NBAS: variants seen among roughly 807,000 people sequenced by gnomAD.
The protein encoded by NBAS is NAG/BC035112 fusion.
In NBAS, 219 loss-of-function variants were observed where a neutral mutation model predicts 302.5. The observed-to-expected ratio is 0.72, with a 90% CI of 0.65 to 0.81. The LOEUF is 0.81. NBAS is among the 30% of genes least tolerant of loss of function. NBAS has a pLI of 0.00. For synonymous variants in NBAS, 1,118 were observed against 1,021.6 expected (o/e 1.09, Z -1.80); for missense variants, 2,932 against 2,841.6 (o/e 1.03, Z -0.72).
intron 11 of NBAS, among the ~76,000 whole-genome samples, chr2:15,492,630 T>A (rs948394928): frequency 6.6e-6 from 1 of 152,112 alleles, no homozygotes; most frequent in Non-Finnish European, 1.5e-5. Flanking sequence ...CTAACTTTTG[T>A]ATTTTTTGTA....
chr2:15,283,430 T>G (rs1286542958), intron 42 of NBAS, among the ~76,000 whole-genome samples: 1 of 152,092 alleles, frequency 6.6e-6, no homozygotes, highest in Admixed American at 6.5e-5. Context: ...CATGCTGTGC[T>G]CACGACAGTG....
At chr2:15,157,158 C>T in the NBAS span, among the ~76,000 whole-genome samples, 1 of 152,154 alleles carries the variant, frequency 6.6e-6, no homozygotes, top group African/African-American at 2.4e-5. Context: ...GTGTCTTTCC[C>T]GCCTGAGTGT....
At chr2:15,440,308 A>C (rs1328871260) in intron 21 of NBAS, among the ~76,000 whole-genome samples, 1 of 152,164 alleles carries the variant, frequency 6.6e-6, no homozygotes, top group African/African-American at 2.4e-5. Context: ...CGCTGAGACA[A>C]AACTTCCAGA....
chr2:14,969,388 A>ATTT, the NBAS span, among the ~76,000 whole-genome samples: 3 of 151,776 alleles, frequency 2.0e-5, no homozygotes, highest in Non-Finnish European at 4.4e-5. Context: ...TATTATTATT[A>ATTT]TTTTTGAGAT....
the NBAS span, among the ~76,000 whole-genome samples, chr2:14,906,329 A>C: frequency 6.6e-6 from 1 of 152,208 alleles, no homozygotes; most frequent in Non-Finnish European, 1.5e-5. Context: ...CTCCACTTAC[A>C]GGTGAGAAAA....
the NBAS span, among the ~76,000 whole-genome samples, chr2:15,121,146 G>A: frequency 6.6e-6 from 1 of 152,212 alleles, no homozygotes; most frequent in Non-Finnish European, 1.5e-5. Flanking sequence ...CAATATGAGA[G>A]CTGAGTTTTC....
At chr2:14,808,672 C>T in the NBAS span, among the ~76,000 whole-genome samples, 2 of 152,166 alleles carry the variant, frequency 1.3e-5, no homozygotes, top group African/African-American at 4.8e-5. Context: ...AGCATGAAAA[C>T]AGACTAATAC....
chr2:15,035,629 T>G, the NBAS span, among the ~76,000 whole-genome samples: 1 of 152,148 alleles, frequency 6.6e-6, no homozygotes, highest in African/African-American at 2.4e-5. Flanking sequence ...GAAAATGTGG[T>G]ACATATATAT....
the NBAS span, among the ~76,000 whole-genome samples, chr2:15,084,670 A>T: frequency 6.9e-6 from 1 of 145,046 alleles, no homozygotes; most frequent in African/African-American, 2.8e-5. Flanking sequence ...ACACTCTCAC[A>T]CACCATATCG....
intron 9 of NBAS, among the ~76,000 whole-genome samples, chr2:15,515,685 G>A (rs929044239): frequency 1.3e-5 from 2 of 152,080 alleles, no homozygotes; most frequent in African/African-American, 2.4e-5. Flanking sequence ...AAATAAACAC[G>A]CTCCATCATC....
the NBAS span, among the ~76,000 whole-genome samples, chr2:15,005,833 A>G: frequency 6.6e-6 from 1 of 152,228 alleles, no homozygotes; most frequent in African/African-American, 2.4e-5. Context: ...ATATTGCCGT[A>G]GTTTTCACAG....
At chr2:14,990,276 A>T in the NBAS span, among the ~76,000 whole-genome samples, 1 of 149,884 alleles carries the variant, frequency 6.7e-6, no homozygotes, top group South Asian at 2.1e-4. Context: ...AAAAAAAAAA[A>T]AGCTGGGCAT....
chr2:15,292,643 C>T lies in NBAS; in HGVS notation c.4921G>A (p.Asp1641Asn), dbSNP rs2148112814. 6.2e-7 allele frequency: 1 copy of T among 1,614,132 alleles called. No individual in the cohort carries two copies. ...QLHCYNERLL[D>N]FTQAQILQGL... ...TGAAGGATCTGCGCCTGAGTGAAAT[C>T]CAGGAGACGTTCATTGTAGCAGTGT... is the stretch of plus-strand genomic sequence containing the variant. The change falls in exon 41 of 52, where the codon GAT (aspartate) becomes AAT (asparagine). Residue 1641 changes from aspartate (D) to asparagine (N), a missense_variant. Asp to Asn is a conservative substitution (Grantham distance 23). Coordinates refer to ENST00000281513, the MANE Select transcript of NBAS (RefSeq NM_015909.4).
the NBAS span, among the ~76,000 whole-genome samples, chr2:14,974,610 C>T: frequency 6.6e-6 from 1 of 152,160 alleles, no homozygotes. Flanking sequence ...CATAAAGCTT[C>T]AGGACTAAAA....
chr2:15,006,716 T>G, the NBAS span, among the ~76,000 whole-genome samples: 2 of 152,306 alleles, frequency 1.3e-5, no homozygotes, highest in African/African-American at 4.8e-5. Context: ...AAAATGTCTC[T>G]CCCAACTTTC....
the NBAS span, among the ~76,000 whole-genome samples, chr2:15,064,714 A>AGC: frequency 6.6e-6 from 1 of 152,214 alleles, no homozygotes; most frequent in Non-Finnish European, 1.5e-5. Flanking sequence ...TCCTAAACTC[A>AGC]TTTTATGAGG....
the NBAS span, among the ~76,000 whole-genome samples, chr2:14,953,473 A>G: frequency 1.3e-5 from 2 of 152,246 alleles, no homozygotes; most frequent in Non-Finnish European, 2.9e-5. Context: ...GAAAGGGTGC[A>G]GTCACCCAAG....
At chr2:14,925,399 T>C in the NBAS span, among the ~76,000 whole-genome samples, 2 of 152,238 alleles carry the variant, frequency 1.3e-5, no homozygotes, top group Non-Finnish European at 2.9e-5. Flanking sequence ...CCTTGACATA[T>C]GCCCTGACTG....
chr2:15,160,974 A>AG, the NBAS span, among the ~76,000 whole-genome samples: 1 of 152,208 alleles, frequency 6.6e-6, no homozygotes, highest in Non-Finnish European at 1.5e-5. Context: ...ATTCTATACA[A>AG]GGAGATAACT....
Sources: gnomAD v4.1 joint callset for allele counts (sites outside exome capture counted in the v4.1 genomes callset) on GRCh38, gnomAD v4.1.1 for gene constraint, MANE v1.5 for transcripts, NCBI Gene and HGNC (gene_info 2026-07-23, HGNC 2026-07-21) for gene names.